The following CBLN2 variants were observed in gnomAD, a reference collection of about 807,000 sequenced individuals.
CBLN2 encodes cerebellin 2 precursor.
In CBLN2, 7 loss-of-function variants were observed where a neutral mutation model predicts 15.0. The observed-to-expected ratio is 0.47, with a 90% confidence interval of 0.27 to 0.88. The LOEUF (loss-of-function observed/expected upper bound fraction) is 0.88. CBLN2 is among the 40% of genes least tolerant of loss of function. The probability of loss-of-function intolerance (pLI) is 0.14; values close to 1 mark genes in which losing one functional copy is unlikely to be tolerated. For missense variants in CBLN2, 242 were observed against 304.5 expected, an observed-to-expected ratio of 0.79 and a Z score of 1.53; for synonymous variants, 149 against 135.2, an observed-to-expected ratio of 1.10 and a Z score of -0.71.
chr18:72,545,873 C>T (rs768965615), upstream of CBLN2, among the ~76,000 whole-genome samples: 5 of 152,202 alleles, frequency 3.3e-5, no homozygotes, highest in Non-Finnish European at 7.3e-5. Flanking sequence ...TGCAAGCACA[C>T]ATGAACTATC....
chr18:72,599,984 G>A (rs1038664700), intron 1 of CBLN2, among the ~76,000 whole-genome samples: 2 of 152,202 alleles, frequency 1.3e-5, no homozygotes, highest in African/African-American at 4.8e-5. Flanking sequence ...CTGTCCCTGA[G>A]AGGGACTTGA....
chr18:72,559,763 A>C (rs992949866), intron 1 of CBLN2, among the ~76,000 whole-genome samples: 3 of 152,204 alleles, frequency 2.0e-5, no homozygotes, highest in Non-Finnish European at 4.4e-5. Context: ...TATTGTGTTT[A>C]GACTTCTAAA....
chr18:72,610,471 C>A (rs1251274784), intron 1 of CBLN2, among the ~76,000 whole-genome samples: 1 of 152,096 alleles, frequency 6.6e-6, no homozygotes. Flanking sequence ...TTTCACTGCT[C>A]TGATACTACA....
rs1026657622 is a variant in CBLN2 at position 72,543,965 on chromosome 18, G to C, written c.-212+12C>G. 6.5e-6 allele frequency: 1 copy of C among 152,848 alleles called. No homozygotes were observed. The highest frequency in any genetic ancestry group is 1.5e-5 in the Non-Finnish European group (1 of 68,676). 9.5% of individuals were successfully genotyped at this position (152,848 alleles called of 1,614,324 possible). ...AGCCCGCCGCACCCTCCAACGCCCC[G>C]GTCCTGCTCACCCAAACGCCCAGAG... On this transcript the variant is annotated intron_variant, in intron 1 of 4. Coordinates refer to ENST00000269503, the MANE Select transcript of CBLN2 (RefSeq NM_182511.4). The surrounding 1 kb of genome is among the most constrained non-coding windows in gnomAD (Gnocchi z 6.8).
intron 1 of CBLN2, among the ~76,000 whole-genome samples, chr18:72,601,471 C>G (rs2069547747): frequency 1.3e-5 from 2 of 152,152 alleles, no homozygotes; most frequent in Non-Finnish European, 2.9e-5. Context: ...ATTCCCCTTA[C>G]ACAGCAAGCA....
At chr18:72,614,561 TA>T (rs1309710157) in intron 1 of CBLN2, among the ~76,000 whole-genome samples, 1 of 152,158 alleles carries the variant, frequency 6.6e-6, no homozygotes, top group Admixed American at 6.5e-5. Flanking sequence ...AGGTGTGATT[TA>T]AAAGTGCCAG....
chr18:72,577,002 T>C (rs1247328514), intron 1 of CBLN2, among the ~76,000 whole-genome samples: 2 of 146,978 alleles, frequency 1.4e-5, no homozygotes, highest in Non-Finnish European at 3.0e-5. Context: ...ATAAATGTGA[T>C]AATTTATATA....
At chr18:72,634,792 A>G (rs989078576) in intron 1 of CBLN2, among the ~76,000 whole-genome samples, 6 of 152,176 alleles carry the variant, frequency 3.9e-5, no homozygotes, top group African/African-American at 1.4e-4. Flanking sequence ...CCTAAGCGTA[A>G]GAAGAGTGAC....
At chr18:72,561,046 C>A (rs888672171) in intron 1 of CBLN2, among the ~76,000 whole-genome samples, 14 of 151,690 alleles carry the variant, frequency 9.2e-5, no homozygotes, top group African/African-American at 3.1e-4. Flanking sequence ...ATAAATAAAT[C>A]AAATGACTGT....
chr18:72,597,994 C>T (rs370592608), intron 1 of CBLN2, among the ~76,000 whole-genome samples: 31 of 152,164 alleles, frequency 2.0e-4, no homozygotes, highest in Admixed American at 6.5e-4. Context: ...GAGCCAAGGC[C>T]GGGAATTGCA....
At chr18:72,560,393 A>G (rs1466744612) in intron 1 of CBLN2, among the ~76,000 whole-genome samples, 1 of 152,258 alleles carries the variant, frequency 6.6e-6, no homozygotes, top group Non-Finnish European at 1.5e-5. Context: ...TTATCAGCCT[A>G]CAATGGAGAA....
intron 1 of CBLN2, among the ~76,000 whole-genome samples, chr18:72,550,886 A>G (rs2367994): frequency 0.56 from 85,700 of 151,858 alleles, 29,319 homozygotes; most frequent in Non-Finnish European, 0.77. Context: ...TGCATTAAAT[A>G]TTCCCCTAAA....
At chr18:72,618,995 A>G (rs1421754574) in intron 1 of CBLN2, 1 of 768,064 alleles carries the variant, frequency 1.3e-6, no homozygotes, top group Non-Finnish European at 2.3e-6. Context: ...GGGGATGGTC[A>G]TCATGGATTT....
At chr18:72,633,204 G>A (rs1230035178) in intron 1 of CBLN2, among the ~76,000 whole-genome samples, 3 of 152,112 alleles carry the variant, frequency 2.0e-5, no homozygotes, top group Admixed American at 6.6e-5. Context: ...ATTTTACAAA[G>A]AGTTGCTCAA....
intron 1 of CBLN2, among the ~76,000 whole-genome samples, chr18:72,623,682 A>T (rs959172640): frequency 2.0e-5 from 3 of 152,140 alleles, no homozygotes; most frequent in African/African-American, 7.2e-5. Context: ...CTACTAATGT[A>T]GTTTGAAGAA....
intron 1 of CBLN2, among the ~76,000 whole-genome samples, chr18:72,597,434 G>T (rs534884669): frequency 6.6e-5 from 10 of 152,276 alleles, no homozygotes; most frequent in Admixed American, 3.3e-4. Flanking sequence ...AGCTGAGCTC[G>T]GGATGGCACA....
At chr18:72,573,974 C>A (rs555533733) in intron 1 of CBLN2, among the ~76,000 whole-genome samples, 5 of 152,250 alleles carry the variant, frequency 3.3e-5, no homozygotes, top group Admixed American at 1.3e-4. Flanking sequence ...CGATTTTCGC[C>A]ATTCTTATAA....
intron 1 of CBLN2, chr18:72,638,234 C>T (rs546133905): frequency 1.3e-5 from 5 of 398,238 alleles, no homozygotes; most frequent in African/African-American, 8.2e-5. Flanking sequence ...TTTATCACAT[C>T]TCCTTGTTGT....
At chr18:72,593,551 T>A (rs2069494123) in intron 1 of CBLN2, among the ~76,000 whole-genome samples, 1 of 152,192 alleles carries the variant, frequency 6.6e-6, no homozygotes, top group Admixed American at 6.5e-5. Context: ...CAGTGTTGAA[T>A]AACAGTGATA....
Sources: gnomAD v4.1 joint callset for allele counts (sites outside exome capture counted in the v4.1 genomes callset) on GRCh38, gnomAD v4.1.1 for gene constraint, Gnocchi (gnomAD v3.1) non-coding constraint, MANE v1.5 for transcripts, NCBI Gene and HGNC (gene_info 2026-07-23, HGNC 2026-07-21) for gene names.